C16orf96: variants seen among roughly 807,000 people sequenced by gnomAD.
The protein encoded by C16orf96 is uncharacterized protein C16orf96.
In C16orf96, 108 loss-of-function variants were observed where a neutral mutation model predicts 103.6. The observed-to-expected ratio is 1.04, with a 90% confidence interval of 0.89 to 1.22. The LOEUF is 1.22. Ranked by LOEUF, C16orf96 falls within the 50% of genes most tolerant of loss-of-function variation. The pLI, the probability that C16orf96 is intolerant of heterozygous loss-of-function variation, is 0.00. For synonymous variants in C16orf96, 566 were observed against 593.5 expected (o/e 0.95, Z 0.67); for missense variants, 1,586 against 1,464.2 (o/e 1.08, Z -1.36).
the C16orf96 span, among the ~76,000 whole-genome samples, chr16:4,545,544 T>G: frequency 5.3e-5 from 8 of 152,248 alleles, 1 homozygote; most frequent in Admixed American, 5.2e-4. Context: ...GAATCGCCCC[T>G]GCATATCTGT....
Position 4,580,140 on chromosome 16 carries a change from G to A in C16orf96, c.2352+15G>A, listed in dbSNP as rs1445092770. 6.8e-6 allele frequency: 10 copies of A among 1,481,238 alleles called. No homozygotes were observed. Among genetic ancestry groups the A allele is most frequent in the Admixed American group, 2.3e-5 (1 of 43,666 alleles). The allele number at this position is 1,481,238 out of a possible 1,614,324, so 91.8% of individuals were successfully genotyped here. A position where few individuals can be genotyped will look rare whatever the true frequency, so the allele number is the denominator to read the frequency against. On this transcript the variant is annotated intron_variant, in intron 7 of 15. Coordinates refer to ENST00000444310, the MANE Select transcript of C16orf96 (RefSeq NM_001145011.2). The stretch of plus-strand genomic sequence containing the variant: ...ATGAGTTCAAGGTTAGGAGGACTGG[G>A]TAGGCTGGAGAAGGGCTGGCAAAGG...
chr16:4,562,711 C>T, intron 1 of C16orf96: 1 of 504,744 alleles, frequency 2.0e-6, no homozygotes, highest in Non-Finnish European at 3.4e-6. Context: ...GCAATCCAAA[C>T]ATATAATAGC....
the C16orf96 span, among the ~76,000 whole-genome samples, chr16:4,546,937 C>G: frequency 6.6e-6 from 1 of 152,020 alleles, no homozygotes; most frequent in Admixed American, 6.6e-5. Flanking sequence ...AAGAAGCCAT[C>G]CATTTCTCTC....
intron 7 of C16orf96, among the ~76,000 whole-genome samples, 193 bp from the exon 8 acceptor site, chr16:4,586,846 G>C (rs944488915): frequency 1.3e-5 from 2 of 152,178 alleles, no homozygotes; most frequent in African/African-American, 4.8e-5. Context: ...GTCCCAAGTC[G>C]CACGTTCCTT....
chr16:4,543,586 A>G, the C16orf96 span, among the ~76,000 whole-genome samples: 1 of 152,112 alleles, frequency 6.6e-6, no homozygotes, highest in African/African-American at 2.4e-5. Flanking sequence ...TGGCCACCCA[A>G]AGTGCTGCGA....
At chr16:4,546,667 C>A in the C16orf96 span, among the ~76,000 whole-genome samples, 1 of 151,746 alleles carries the variant, frequency 6.6e-6, no homozygotes, top group Non-Finnish European at 1.5e-5. Context: ...GGTCTCACCG[C>A]GTTGCCCAGG....
rs780172798 is a variant in C16orf96 at position 4,587,073 on chromosome 16, A to G, written c.2387A>G (p.Asn796Ser). The G allele has an allele frequency of 5.2e-6, 8 of 1,551,650 alleles. No homozygotes were observed. Among genetic ancestry groups the G allele is most frequent in the South Asian group, 3.6e-5 (3 of 84,062 alleles). ...LQAQIKRLEM[N>S]KVNKSTMEEE... Reference sequence around the variant, plus strand: ...GCTCAAATCAAAAGACTGGAAATGAACAAGGTGAATAAGAGCACGATGGAG... The same window carrying G: ...GCTCAAATCAAAAGACTGGAAATGAGCAAGGTGAATAAGAGCACGATGGAG... The change falls in exon 8 of 16, where the codon AAC (asparagine) becomes AGC (serine). Residue 796 changes from asparagine to serine, a missense_variant. Physicochemically the swap from Asn to Ser is conservative, Grantham distance 46. Coordinates refer to ENST00000444310, the MANE Select transcript of C16orf96 (RefSeq NM_001145011.2).
intron 5 of C16orf96, among the ~76,000 whole-genome samples, chr16:4,577,223 T>G (rs1177864697): frequency 6.6e-6 from 1 of 151,896 alleles, no homozygotes; most frequent in East Asian, 1.9e-4. Flanking sequence ...AACTCCTTTG[T>G]GATAGCCCAT....
At position 4,600,545 on chromosome 16, in the gene C16orf96, C is replaced by T. The variant is rs1053039136; in HGVS notation, c.*228C>T. The T allele has an allele frequency of 4.2e-6, 2 of 471,174 alleles. No homozygotes were observed. The highest frequency in any genetic ancestry group is 7.8e-6 in the Non-Finnish European group (2 of 255,884). 29.2% of individuals were successfully genotyped at this position (471,174 alleles called of 1,614,324 possible). A position where few individuals can be genotyped will look rare whatever the true frequency, so the allele number is the denominator to read the frequency against. On this transcript the variant is annotated 3_prime_UTR_variant, in exon 16 of 16. Coordinates refer to ENST00000444310, the MANE Select transcript of C16orf96 (RefSeq NM_001145011.2). ...CGTCCGAGGCTGAGACCCATATGCC[C>T]CCCCCACCCCCACCAAGTCCCGTCC...
chr16:4,582,783 A>C (rs1896822314), intron 7 of C16orf96, among the ~76,000 whole-genome samples: 1 of 152,152 alleles, frequency 6.6e-6, no homozygotes, highest in Non-Finnish European at 1.5e-5. Context: ...CAGACCCTGC[A>C]TGGGGGTGAG....
At chr16:4,568,006 TTTTG>T (rs755576852) in intron 1 of C16orf96, among the ~76,000 whole-genome samples, 3 of 151,930 alleles carry the variant, frequency 2.0e-5, no homozygotes, top group African/African-American at 4.8e-5. Context: ...TGTTTTTGTT[TTTTG>T]TTTGTTTGTT....
In C16orf96 at chr16:4,600,486, T is replaced by TGA; in HGVS notation, c.*170_*171insAG. 6.1e-6 allele frequency: 2 copies of TGA among 330,042 alleles called. No individual in the cohort carries two copies. Among genetic ancestry groups the TGA allele is most frequent in the South Asian group, 4.9e-5 (2 of 40,958 alleles). The allele number at this position is 330,042 out of a possible 1,614,324, so 20.4% of individuals were successfully genotyped here. On this transcript the variant is annotated 3_prime_UTR_variant, in exon 16 of 16. Coordinates refer to ENST00000444310, the MANE Select transcript of C16orf96 (RefSeq NM_001145011.2). Reference sequence around the variant, plus strand: ...CCTCCATGTCCGAGGCTGAGGCTCATGCGCCCCCCCCCATCCCTACCAAGT... The same window carrying TGA: ...CCTCCATGTCCGAGGCTGAGGCTCATGAGCGCCCCCCCCCATCCCTACCAAGT...
At chr16:4,591,564 T>C (rs762059514) in intron 9 of C16orf96, 102 bp from the exon 10 acceptor site, 48 of 911,752 alleles carry the variant, frequency 5.3e-5, no homozygotes, top group Non-Finnish European at 7.8e-5. Flanking sequence ...TGAATTTTGT[T>C]ACACCGTGTA....
rs369595727 is a variant in C16orf96, at chr16:4,556,885, G to C, written c.396G>C (p.Glu132Asp). 9.1e-6 allele frequency: 14 copies of C among 1,545,842 alleles called. No homozygotes were observed. Among genetic ancestry groups the C allele is most frequent in the Non-Finnish European group, 1.2e-5 (14 of 1,142,358 alleles). Residue 132 changes from glutamate to aspartate, a missense_variant, in exon 1 of 16, where the codon GAG becomes GAC. Physicochemically the swap from Glu to Asp is conservative, Grantham distance 45 (BLOSUM62 2). Transcript: ENST00000444310. ...TGATCAAGCTCCGGAAGATGGTGGA[G>C]GGTCATGATGAAGTCATGGCCAAGG... Reference protein sequence around the residue: ...WHLIKLRKMVEGHDEVMAKSM... With the variant: ...WHLIKLRKMVDGHDEVMAKSM...
chr16:4,548,339 C>T, the C16orf96 span, among the ~76,000 whole-genome samples: 2 of 152,178 alleles, frequency 1.3e-5, no homozygotes, highest in African/African-American at 4.8e-5. Flanking sequence ...ACCCAAGGCG[C>T]GCCTCTGAGA....
chr16:4,548,203 G>A, the C16orf96 span, among the ~76,000 whole-genome samples: 8 of 152,110 alleles, frequency 5.3e-5, no homozygotes, highest in Non-Finnish European at 7.4e-5. Flanking sequence ...TGCCTCACTC[G>A]CTGTCAGATC....
At chr16:4,558,939 G>T (rs1596512244) in intron 1 of C16orf96, among the ~76,000 whole-genome samples, 2 of 147,734 alleles carry the variant, frequency 1.4e-5, no homozygotes, top group African/African-American at 5.0e-5. Context: ...AAAAAAATTA[G>T]CCAGGTGTGG....
At chr16:4,565,217 T>A (rs1373076405) in intron 1 of C16orf96, among the ~76,000 whole-genome samples, 1 of 152,150 alleles carries the variant, frequency 6.6e-6, no homozygotes, top group East Asian at 1.9e-4. Context: ...TCGAGGACTA[T>A]GGCATGGGTC....
chr16:4,599,092 C>G (rs553215682), intron 14 of C16orf96, among the ~76,000 whole-genome samples, 192 bp from the exon 15 acceptor site: 3 of 150,894 alleles, frequency 2.0e-5, no homozygotes, highest in African/African-American at 7.3e-5. Context: ...GAGCGGAGAC[C>G]CTGCCTCAAG....
Sources: gnomAD v4.1 joint callset for allele counts (sites outside exome capture counted in the v4.1 genomes callset) on GRCh38, gnomAD v4.1.1 for gene constraint, MANE v1.5 for transcripts, NCBI Gene and HGNC (gene_info 2026-07-23, HGNC 2026-07-21) for gene names.